MFAP5: variants seen among roughly 807,000 people sequenced by gnomAD.
The protein encoded by MFAP5 is microfibrillar-associated protein 5.
A neutral mutation model predicts 30.1 loss-of-function variants in MFAP5; 19 were observed. The ratio of observed to expected loss-of-function variants is 0.63; its 90% CI spans 0.44 to 0.93. The LOEUF (loss-of-function observed/expected upper bound fraction) is 0.93. Among genes scored for constraint, MFAP5 ranks in the 40% least tolerant of loss-of-function variants. The pLI is 0.00. For missense variants in MFAP5, 210 were observed against 221.3 expected (o/e 0.95, Z 0.32); for synonymous variants, 92 against 72.9 (o/e 1.26, Z -1.33).
chr12:8,656,392 G>T (rs181351680), intron 3 of MFAP5, among the ~76,000 whole-genome samples: 2 of 147,974 alleles, frequency 1.4e-5, no homozygotes, highest in East Asian at 4.0e-4. Context: ...ATATGCTTAG[G>T]AGTGTTCATA....
At position 8,654,437 on chromosome 12, in the gene MFAP5, C is replaced by T. The variant is rs1397141540; in HGVS notation, c.217G>A (p.Ala73Thr). ...ADIAPSTDDLASLSEKNTTAE... is the reference protein window; with the variant it reads ...ADIAPSTDDLTSLSEKNTTAE... The stretch of plus-strand genomic sequence containing the variant: ...CTGGGGGTCCCAGATCTGAACTCAC[C>T]CAAGTCATCTGTGGAAGGTGCAATA... The change falls in exon 6 of 10, where the codon GCC (alanine) becomes ACC (threonine). Residue 73 changes from alanine (A) to threonine (T), a missense_variant and splice_region_variant. Ala to Thr is a moderately conservative substitution (Grantham distance 58). Transcript: ENST00000359478. 6.3e-7 allele frequency: 1 copy of T among 1,599,958 alleles called. No individual in the cohort carries two copies. Among genetic ancestry groups the T allele is most frequent in the African/African-American group, 1.3e-5 (1 of 74,720 alleles).
At chr12:8,662,380 A>T in intron 1 of MFAP5, 1 of 405,958 alleles carries the variant, frequency 2.5e-6, no homozygotes, top group Non-Finnish European at 4.4e-6. Context: ...CATGGTCCGT[A>T]CTTGGCCCTA....
Position 8,648,087 on chromosome 12 carries a change from A to G in MFAP5, c.*4T>C, listed in dbSNP as rs751323740. The G allele has an allele frequency of 5.5e-5, 89 of 1,605,586 alleles. No individual in the cohort carries two copies. The Middle Eastern group carries it at 9.9e-4, about 18-fold the overall frequency. Reference sequence around the variant, plus strand: ...ATTTTTTCTTCTTTCCTCTTTTTCAATGATCACAGACCATTGGGTCTCTGC... The same window carrying G: ...ATTTTTTCTTCTTTCCTCTTTTTCAGTGATCACAGACCATTGGGTCTCTGC... On this transcript the variant is annotated 3_prime_UTR_variant, in exon 10 of 10. Transcript: ENST00000359478.
At chr12:8,662,190 T>G in intron 1 of MFAP5, 84 bp from the exon 2 acceptor site, 1 of 1,137,528 alleles carries the variant, frequency 8.8e-7, no homozygotes, top group Non-Finnish European at 1.3e-6. Flanking sequence ...GCCTCTGAGG[T>G]CCCTGTCTCT....
intron 1 of MFAP5, 112 bp from the exon 2 acceptor site, chr12:8,662,218 T>C (rs1042337976): frequency 1.0e-4 from 85 of 814,086 alleles, no homozygotes; most frequent in Non-Finnish European, 1.5e-4. Context: ...CCCAGAACTT[T>C]CTTCATTTTC....
At chr12:8,656,153 C>G (rs1292322086) in intron 3 of MFAP5, among the ~76,000 whole-genome samples, 1 of 150,336 alleles carries the variant, frequency 6.7e-6, no homozygotes, top group Non-Finnish European at 1.5e-5. Flanking sequence ...CTCCGCCTCC[C>G]GGGTTCACAT....
chr12:8,654,353 C>T (rs1941923602), intron 6 of MFAP5, 84 bp downstream of exon 6: 21 of 1,340,186 alleles, frequency 1.6e-5, no homozygotes, highest in Non-Finnish European at 2.1e-5. Flanking sequence ...TAGGATCCTT[C>T]AGCAGCTGCA....
intron 3 of MFAP5, among the ~76,000 whole-genome samples, chr12:8,659,565 G>A (rs761664779): frequency 3.9e-5 from 6 of 152,098 alleles, no homozygotes; most frequent in African/African-American, 1.2e-4. Context: ...CTAAAATCTC[G>A]GGAGGCCTTT....
At chr12:8,660,733 TG>T in intron 3 of MFAP5, 129 bp downstream of exon 3, 1 of 803,070 alleles carries the variant, frequency 1.2e-6, no homozygotes. Flanking sequence ...TGCATCTCTT[TG>T]TTGTAGGAAA....
intron 5 of MFAP5, among the ~76,000 whole-genome samples, chr12:8,655,163 A>T (rs753807037): frequency 1.3e-5 from 2 of 152,124 alleles, no homozygotes; most frequent in Admixed American, 1.3e-4. Flanking sequence ...CTATAATCTC[A>T]GCTACTCAGG....
At chr12:8,654,997 A>G (rs1941943262) in intron 5 of MFAP5, among the ~76,000 whole-genome samples, 1 of 151,650 alleles carries the variant, frequency 6.6e-6, no homozygotes, top group Non-Finnish European at 1.5e-5. Context: ...CAACCTCAGT[A>G]TCCAAAGATA....
At chr12:8,650,060 T>G (rs1165481717) in intron 8 of MFAP5, among the ~76,000 whole-genome samples, 2 of 152,198 alleles carry the variant, frequency 1.3e-5, no homozygotes, top group Non-Finnish European at 2.9e-5. Context: ...GTTACTTCAT[T>G]TAGAATAATG....
intron 9 of MFAP5, chr12:8,648,474 G>A: frequency 8.2e-7 from 1 of 1,219,958 alleles, no homozygotes; most frequent in Non-Finnish European, 1.1e-6. Context: ...ATGAAATCAT[G>A]TATGCAAAGT....
chr12:8,660,771 C>A, intron 3 of MFAP5, 92 bp downstream of exon 3: 5 of 973,226 alleles, frequency 5.1e-6, no homozygotes, highest in Admixed American at 2.8e-5. Flanking sequence ...TTTTTGGCAG[C>A]GATAGATAAG....
chr12:8,655,167 A>C, intron 5 of MFAP5, among the ~76,000 whole-genome samples: 1 of 151,870 alleles, frequency 6.6e-6, no homozygotes, highest in Non-Finnish European at 1.5e-5. Context: ...AATCTCAGCT[A>C]CTCAGGAGGC....
rs1473962294 is a variant in MFAP5, at chr12:8,647,110, T to A, written c.*981A>T. On this transcript the variant is annotated 3_prime_UTR_variant, in exon 10 of 10. Coordinates refer to ENST00000359478, the MANE Select transcript of MFAP5 (RefSeq NM_003480.4). ...TTCGTATTAACTATTAGGCAAACTT[T>A]CTGTCTGCCTATTAAAATTCAAGTC... 6.6e-6 allele frequency: 1 copy of A among 152,182 alleles called. No homozygotes were observed. The highest frequency in any genetic ancestry group is 1.5e-5 in the Non-Finnish European group (1 of 68,008). 9.4% of individuals were successfully genotyped at this position (152,182 alleles called of 1,614,324 possible). A position where few individuals can be genotyped will look rare whatever the true frequency, so the allele number is the denominator to read the frequency against.
At position 8,655,880 on chromosome 12, in the gene MFAP5, A is replaced by G. The variant is rs1342848931; in HGVS notation, c.95-50T>C. On this transcript the variant is annotated intron_variant, in intron 3 of 9. Transcript: ENST00000359478. ...TTCTGAGATTCTCTGTCTCCCTGCC[A>G]CCCTTGCACTTCCAGTAAGTTAAAT... 10 of 1,517,608 alleles carry G rather than the reference A, an allele frequency of 6.6e-6. No individual in the cohort carries two copies. In the Middle Eastern group the frequency reaches 6.8e-4, roughly 103 times the overall value. The allele number at this position is 1,517,608 out of a possible 1,614,324, so 94.0% of individuals were successfully genotyped here. A position where few individuals can be genotyped will look rare whatever the true frequency, so the allele number is the denominator to read the frequency against.
intron 8 of MFAP5, 44 bp downstream of exon 8, chr12:8,650,456 AAC>A (rs756318802): frequency 1.6e-5 from 26 of 1,577,522 alleles, no homozygotes; most frequent in Non-Finnish European, 2.1e-5. Context: ...TCAACACAGA[AAC>A]ACTACCATGG....
intron 3 of MFAP5, among the ~76,000 whole-genome samples, 192 bp downstream of exon 3, chr12:8,660,671 A>G (rs1449791440): frequency 1.3e-5 from 2 of 152,146 alleles, no homozygotes; most frequent in Non-Finnish European, 2.9e-5. Flanking sequence ...TGAATGGGAT[A>G]ATAGGATTGT....
Sources: gnomAD v4.1 joint callset for allele counts (sites outside exome capture counted in the v4.1 genomes callset) on GRCh38, gnomAD v4.1.1 for gene constraint, MANE v1.5 for transcripts, NCBI Gene and HGNC (gene_info 2026-07-23, HGNC 2026-07-21) for gene names.